Variants in AKAP6 observed in about 807,000 individuals in gnomAD.
The protein encoded by AKAP6 is A-kinase anchoring protein 6, also known as A-kinase anchor protein 6.
AKAP6 carries 58 observed loss-of-function variants against 188.5 expected under a neutral mutation model. The ratio of observed to expected loss-of-function variants is 0.31; its 90% CI spans 0.25 to 0.38. AKAP6 has a LOEUF of 0.38. Ranked by LOEUF, AKAP6 falls within the 10% of genes least tolerant of loss-of-function variation. The pLI is 1.00. For missense variants in AKAP6, 2,710 were observed against 2,740.0 expected (o/e 0.99, Z 0.24); for synonymous variants, 989 against 998.6 (o/e 0.99, Z 0.18).
At chr14:32,691,041 A>G (rs947949620) in intron 8 of AKAP6, among the ~76,000 whole-genome samples, 2 of 152,224 alleles carry the variant, frequency 1.3e-5, no homozygotes, top group South Asian at 4.1e-4. Flanking sequence ...GAGCTCACAA[A>G]TGAGAGTGAA....
intron 2 of AKAP6, among the ~76,000 whole-genome samples, chr14:32,464,087 T>C (rs1878248086): frequency 6.6e-6 from 1 of 152,044 alleles, no homozygotes; most frequent in Admixed American, 6.6e-5. Flanking sequence ...AGTTCTGAAA[T>C]TGAGACAGTA....
chr14:32,830,542 A>G lies in AKAP6; in HGVS notation c.*737A>G, dbSNP rs1042183290. ...TAATGAGAAAAAAGTTTTTTAAAAA[A>G]GTGTGCCTTGCTGTATTTCTTATAC... is the stretch of plus-strand genomic sequence containing the variant. On this transcript the variant is annotated 3_prime_UTR_variant, in exon 14 of 14. Coordinates refer to ENST00000280979, the MANE Select transcript of AKAP6 (RefSeq NM_004274.5). The G allele has an allele frequency of 6.6e-6, 1 of 152,622 alleles. No individual in the cohort carries two copies. Among genetic ancestry groups the G allele is most frequent in the African/African-American group, 2.4e-5 (1 of 41,460 alleles). The allele number at this position is 152,622 out of a possible 1,614,324, so 9.5% of individuals were successfully genotyped here. A position where few individuals can be genotyped will look rare whatever the true frequency, so the allele number is the denominator to read the frequency against.
At chr14:32,716,567 A>G (rs968730321) in intron 9 of AKAP6, among the ~76,000 whole-genome samples, 1 of 149,066 alleles carries the variant, frequency 6.7e-6, no homozygotes, top group African/African-American at 2.4e-5. Context: ...CTCTCTAAAT[A>G]TGTATATATT....
At chr14:32,366,316 G>C (rs1887832701) in intron 1 of AKAP6, among the ~76,000 whole-genome samples, 2 of 152,178 alleles carry the variant, frequency 1.3e-5, no homozygotes, top group South Asian at 4.1e-4. Context: ...CACTACATTT[G>C]AACTGAGCTT....
intron 9 of AKAP6, among the ~76,000 whole-genome samples, chr14:32,728,037 G>A (rs187395814): frequency 3.3e-5 from 5 of 152,190 alleles, no homozygotes; most frequent in East Asian, 3.9e-4. Context: ...ACTCCGCATG[G>A]ACAGCTGAGC....
intron 1 of AKAP6, among the ~76,000 whole-genome samples, chr14:32,338,990 A>G (rs946080234): frequency 2.0e-5 from 3 of 152,320 alleles, no homozygotes; most frequent in Middle Eastern, 3.4e-3. Flanking sequence ...TTAAATATTT[A>G]TACTGTGTCA....
chr14:32,823,232 A>C lies in AKAP6; in HGVS notation c.5419A>C (p.Arg1807=). ...AAAGAATGAATTACAGACCTGGATT[A>C]GGCCAAAATTGTCTTTGACAAGAGA... ...YIKNELQTWI[R]PKLSLTRDKK... The change falls in exon 13 of 14, where the codon AGG becomes CGG. Residue 1807 remains arginine, a synonymous_variant. Transcript: ENST00000280979. The C allele has an allele frequency of 1.9e-6, 3 of 1,613,810 alleles. No homozygotes were observed. The highest frequency in any genetic ancestry group is 2.5e-6 in the Non-Finnish European group (3 of 1,179,870).
At chr14:32,553,799 T>A (rs899569712) in intron 4 of AKAP6, among the ~76,000 whole-genome samples, 3 of 152,198 alleles carry the variant, frequency 2.0e-5, no homozygotes, top group Non-Finnish European at 4.4e-5. Flanking sequence ...AATCTTTTTC[T>A]GAGGGTTGAG....
intron 5 of AKAP6, among the ~76,000 whole-genome samples, chr14:32,579,171 G>A (rs1472286322): frequency 1.3e-5 from 2 of 152,062 alleles, no homozygotes; most frequent in African/African-American, 4.8e-5. Context: ...CTTTTTATAG[G>A]TGACCGTAAC....
At chr14:32,343,978 G>T (rs1886982135) in intron 1 of AKAP6, among the ~76,000 whole-genome samples, 1 of 152,082 alleles carries the variant, frequency 6.6e-6, no homozygotes, top group South Asian at 2.1e-4. Flanking sequence ...TATACTCTGA[G>T]GTTGTTTCAC....
At chr14:32,694,745 C>A (rs1405055248) in intron 8 of AKAP6, among the ~76,000 whole-genome samples, 1 of 89,288 alleles carries the variant, frequency 1.1e-5, no homozygotes, top group Non-Finnish European at 3.0e-5. Context: ...TCACCAGGCA[C>A]ACCTTAAGTT....
At chr14:32,651,607 G>A (rs1360898179) in intron 7 of AKAP6, among the ~76,000 whole-genome samples, 1 of 152,108 alleles carries the variant, frequency 6.6e-6, no homozygotes, top group Non-Finnish European at 1.5e-5. Flanking sequence ...TCCAGAGAGG[G>A]TGAACTCTGT....
At chr14:32,492,102 CT>C (rs1489670841) in intron 2 of AKAP6, among the ~76,000 whole-genome samples, 1 of 151,930 alleles carries the variant, frequency 6.6e-6, no homozygotes. Context: ...TCTCAGCCCC[CT>C]CAACAAAAAT....
intron 2 of AKAP6, among the ~76,000 whole-genome samples, chr14:32,468,036 C>T (rs1878558894): frequency 6.6e-6 from 1 of 152,042 alleles, no homozygotes. Flanking sequence ...TTGCTTCTCT[C>T]TCATTTTCAC....
At chr14:32,722,786 C>T (rs1287586791) in intron 9 of AKAP6, among the ~76,000 whole-genome samples, 1 of 152,214 alleles carries the variant, frequency 6.6e-6, no homozygotes, top group African/African-American at 2.4e-5. Flanking sequence ...CTTCCACATA[C>T]ATCACCTTTC....
intron 2 of AKAP6, among the ~76,000 whole-genome samples, chr14:32,487,800 C>T (rs992954331): frequency 6.6e-6 from 1 of 152,348 alleles, no homozygotes; most frequent in Non-Finnish European, 1.5e-5. Flanking sequence ...TAGTCAGGCC[C>T]CTCTTCTGCA....
intron 9 of AKAP6, chr14:32,726,236 G>A (rs1431476367): frequency 3.5e-5 from 34 of 974,244 alleles, no homozygotes; most frequent in Non-Finnish European, 4.1e-5. Flanking sequence ...GAAGTGAGGG[G>A]AAAAAATAAT....
In AKAP6 at chr14:32,823,752, C is replaced by A; in HGVS notation, c.5939C>A (p.Thr1980Asn). The A allele has an allele frequency of 6.2e-7, 1 of 1,613,734 alleles. No homozygotes were observed. Among genetic ancestry groups the A allele is most frequent in the East Asian group, 2.2e-5 (1 of 44,880 alleles). Residue 1980 changes from threonine to asparagine, a missense_variant, in exon 13 of 14, where the codon ACT (threonine) becomes AAT (asparagine). By Grantham distance (65) the Thr-to-Asn change is moderately conservative. Coordinates refer to ENST00000280979, the MANE Select transcript of AKAP6 (RefSeq NM_004274.5). ...AATCAAAGCACTGCCTCTACTCCCACTGAGAAGTCTTTCTCAGAACTGGCT... is the reference window on the plus strand; with the variant it reads ...AATCAAAGCACTGCCTCTACTCCCAATGAGAAGTCTTTCTCAGAACTGGCT... Reference protein sequence around the residue: ...FENQSTASTPTEKSFSELALE... With the variant: ...FENQSTASTPNEKSFSELALE...
At chr14:32,511,108 A>G (rs1180521107) in intron 2 of AKAP6, among the ~76,000 whole-genome samples, 2 of 152,218 alleles carry the variant, frequency 1.3e-5, no homozygotes. Context: ...ACAAAGTTTA[A>G]TTGCAGGGTC....
Sources: allele counts gnomAD v4.1 joint callset (sites outside exome capture counted in the v4.1 genomes callset), GRCh38; gene constraint gnomAD v4.1.1; transcripts MANE v1.5; gene names NCBI Gene and HGNC (gene_info 2026-07-23, HGNC 2026-07-21).